KIF13B: variants seen among roughly 807,000 people sequenced by gnomAD.
The protein encoded by KIF13B is kinesin-like protein KIF13B.
KIF13B carries 127 observed loss-of-function variants against 222.0 expected under a neutral mutation model. That is an observed-to-expected ratio of 0.57 (90% confidence interval 0.50 to 0.66). KIF13B has a LOEUF of 0.66. Among genes scored for constraint, KIF13B ranks in the 30% least tolerant of loss-of-function variants. The pLI, the probability that KIF13B is intolerant of heterozygous loss-of-function variation, is 0.00. For synonymous variants in KIF13B, 976 were observed against 919.0 expected (o/e 1.06, Z -1.12); for missense variants, 2,173 against 2,379.0 (o/e 0.91, Z 1.80).
chr8:29,087,473 G>A (rs1563689042), intron 37 of KIF13B, among the ~76,000 whole-genome samples: 1 of 152,190 alleles, frequency 6.6e-6, no homozygotes, highest in Non-Finnish European at 1.5e-5. Flanking sequence ...TGAATCTGAA[G>A]TTCCTCATTA....
intron 2 of KIF13B, among the ~76,000 whole-genome samples, chr8:29,220,116 T>C (rs1423694483): frequency 6.6e-6 from 1 of 152,156 alleles, no homozygotes; most frequent in Non-Finnish European, 1.5e-5. Flanking sequence ...TTGGTTCTAA[T>C]ACATTTTTGT....
intron 6 of KIF13B, 146 bp from the exon 7 acceptor site, chr8:29,182,152 C>A: frequency 1.8e-6 from 1 of 561,818 alleles, no homozygotes; most frequent in Non-Finnish European, 3.1e-6. Flanking sequence ...AGAATTTAAA[C>A]CAAACTTTAA....
At chr8:29,159,296 A>G (rs1483451684) in intron 13 of KIF13B, among the ~76,000 whole-genome samples, 2 of 152,098 alleles carry the variant, frequency 1.3e-5, no homozygotes, top group East Asian at 1.9e-4. Context: ...GACTACAGGC[A>G]TGTACCACCA....
intron 8 of KIF13B, among the ~76,000 whole-genome samples, chr8:29,178,735 C>T (rs1414176778): frequency 6.7e-6 from 1 of 150,352 alleles, no homozygotes; most frequent in Non-Finnish European, 1.5e-5. Context: ...TTTGTTGTTA[C>T]ACTAATCTTG....
intron 3 of KIF13B, among the ~76,000 whole-genome samples, chr8:29,192,202 G>T (rs1374432905): frequency 6.6e-6 from 1 of 152,104 alleles, no homozygotes; most frequent in Non-Finnish European, 1.5e-5. Context: ...AAAACTGACT[G>T]TAAGCTTTCA....
At chr8:29,213,013 C>G (rs1429585941) in intron 2 of KIF13B, among the ~76,000 whole-genome samples, 1 of 151,954 alleles carries the variant, frequency 6.6e-6, no homozygotes, top group Non-Finnish European at 1.5e-5. Flanking sequence ...ATTAAACTGT[C>G]TTCATGACAT....
intron 2 of KIF13B, among the ~76,000 whole-genome samples, chr8:29,230,382 T>A (rs550994105): frequency 6.6e-6 from 1 of 152,138 alleles, no homozygotes; most frequent in Non-Finnish European, 1.5e-5. Context: ...AATCTATAAA[T>A]TGGCCTATCC....
At chr8:29,155,458 T>C (rs1236375306) in intron 14 of KIF13B, among the ~76,000 whole-genome samples, 1 of 152,138 alleles carries the variant, frequency 6.6e-6, no homozygotes, top group Non-Finnish European at 1.5e-5. Context: ...TCTAGGGCTG[T>C]GGTGAGTGAA....
chr8:29,078,456 A>T lies in KIF13B; in HGVS notation c.4459-3113T>A, dbSNP rs574329388. Among the ~76,000 whole-genome samples, 20 of 152,306 alleles carry T rather than the reference A, an allele frequency of 1.3e-4. No individual in the cohort carries two copies. The South Asian group carries it at 2.7e-3, about 21-fold the overall frequency. On this transcript the variant is annotated intron_variant, in intron 37 of 39. Transcript: ENST00000524189. ...TACATCCACCAAGAATACTGAAATCATAACCGTGTGCTCATCCTTCACACG... is the reference window on the plus strand; with the variant it reads ...TACATCCACCAAGAATACTGAAATCTTAACCGTGTGCTCATCCTTCACACG...
intron 13 of KIF13B, among the ~76,000 whole-genome samples, chr8:29,160,510 A>G (rs1056799797): frequency 6.6e-6 from 1 of 152,192 alleles, no homozygotes; most frequent in Non-Finnish European, 1.5e-5. Context: ...ATGGTAGGTA[A>G]GGTATTTGAC....
At chr8:29,141,093 G>C (rs1234614063) in intron 19 of KIF13B, among the ~76,000 whole-genome samples, 3 of 151,734 alleles carry the variant, frequency 2.0e-5, no homozygotes, top group Non-Finnish European at 1.5e-5. Flanking sequence ...CAGCACTTTG[G>C]GAGGCCAAGG....
chr8:29,130,399 T>C (rs1563726240), intron 24 of KIF13B, 134 bp downstream of exon 24: 3 of 911,976 alleles, frequency 3.3e-6, no homozygotes, highest in East Asian at 2.5e-5. Context: ...TGACATGAGA[T>C]AGGAGAATTT....
At chr8:29,080,482 T>G (rs374640295) in intron 37 of KIF13B, among the ~76,000 whole-genome samples, 2 of 152,184 alleles carry the variant, frequency 1.3e-5, no homozygotes, top group Admixed American at 1.3e-4. Context: ...TGTCCAGCCC[T>G]GGCCTGAAGC....
At chr8:29,254,963 G>T (rs1421989352) in intron 1 of KIF13B, among the ~76,000 whole-genome samples, 1 of 152,178 alleles carries the variant, frequency 6.6e-6, no homozygotes, top group African/African-American at 2.4e-5. Context: ...GCTATAAAAA[G>T]AATGAAGTAT....
intron 21 of KIF13B, among the ~76,000 whole-genome samples, chr8:29,135,366 GT>G (rs1454726130): frequency 1.3e-5 from 2 of 152,120 alleles, no homozygotes; most frequent in African/African-American, 4.8e-5. Flanking sequence ...TTAATTTGGA[GT>G]TTTTGTGATA....
chr8:29,091,087 T>C (rs907161394), intron 37 of KIF13B, among the ~76,000 whole-genome samples: 2 of 152,216 alleles, frequency 1.3e-5, no homozygotes, highest in Admixed American at 6.5e-5. Context: ...TTTGCTCATA[T>C]GTGCTCAAAC....
intron 1 of KIF13B, among the ~76,000 whole-genome samples, chr8:29,260,291 G>A (rs766469551): frequency 6.6e-6 from 1 of 152,152 alleles, no homozygotes; most frequent in Non-Finnish European, 1.5e-5. Flanking sequence ...ATACACCAGA[G>A]TTTTCTGGAA....
At chr8:29,261,967 A>C (rs1816695592) in intron 1 of KIF13B, among the ~76,000 whole-genome samples, 1 of 152,258 alleles carries the variant, frequency 6.6e-6, no homozygotes, top group African/African-American at 2.4e-5. Flanking sequence ...GATTTTGCTA[A>C]GAAGCTACAA....
chr8:29,163,045 C>T (rs1387747962), intron 12 of KIF13B, among the ~76,000 whole-genome samples: 2 of 152,120 alleles, frequency 1.3e-5, no homozygotes, highest in African/African-American at 4.8e-5. Flanking sequence ...TGTCTGTCAA[C>T]CCCTGATCTA....
Sources: gnomAD v4.1 joint callset for allele counts (sites outside exome capture counted in the v4.1 genomes callset) on GRCh38, gnomAD v4.1.1 for gene constraint, MANE v1.5 for transcripts, NCBI Gene and HGNC (gene_info 2026-07-23, HGNC 2026-07-21) for gene names.